SLC24A2: variants seen among roughly 807,000 people sequenced by gnomAD.
SLC24A2 encodes the protein sodium/potassium/calcium exchanger 2.
Under a neutral mutation model 62.0 loss-of-function variants are expected in SLC24A2, and 36 were observed. That is an observed-to-expected ratio of 0.58 (90% CI 0.44 to 0.77). The LOEUF is 0.77. Among genes scored for constraint, SLC24A2 ranks in the 30% least tolerant of loss-of-function variants. SLC24A2 has a pLI of 0.00. For synonymous variants in SLC24A2, 358 were observed against 294.0 expected, an observed-to-expected ratio of 1.22 and a Z score of -2.23; for missense variants, 846 against 817.9, an observed-to-expected ratio of 1.03 and a Z score of -0.42.
At chr9:20,117,707 G>A in the SLC24A2 span, among the ~76,000 whole-genome samples, 4 of 152,094 alleles carry the variant, frequency 2.6e-5, no homozygotes, top group African/African-American at 9.7e-5. Flanking sequence ...AGGTCTGTTT[G>A]ATTCCAAGGT....
the SLC24A2 span, among the ~76,000 whole-genome samples, chr9:20,053,520 C>T: frequency 1.3e-5 from 2 of 152,042 alleles, no homozygotes; most frequent in Non-Finnish European, 2.9e-5. Context: ...ATGTTTGTGT[C>T]CTCCCCCAAC....
At chr9:19,858,085 T>A in the SLC24A2 span, among the ~76,000 whole-genome samples, 7 of 152,300 alleles carry the variant, frequency 4.6e-5, no homozygotes, top group African/African-American at 9.6e-5. Context: ...GGAGATATCA[T>A]GTTACCTCAC....
chr9:19,896,959 C>G, the SLC24A2 span, among the ~76,000 whole-genome samples: 72,095 of 152,046 alleles, frequency 0.47, 19,441 homozygotes, highest in Non-Finnish European at 0.61. Context: ...TTACCATCCA[C>G]TTTTCTCATT....
chr9:20,232,594 T>A, the SLC24A2 span, among the ~76,000 whole-genome samples: 3 of 152,208 alleles, frequency 2.0e-5, no homozygotes, highest in Non-Finnish European at 4.4e-5. Flanking sequence ...CCCTTTATCA[T>A]TTTTTATTGC....
chr9:19,644,188 T>C (rs1219779006), intron 2 of SLC24A2, among the ~76,000 whole-genome samples: 1 of 152,172 alleles, frequency 6.6e-6, no homozygotes, highest in African/African-American at 2.4e-5. Flanking sequence ...AGTAATGGCA[T>C]GTGTGGTGGT....
chr9:19,770,467 G>A (rs990620210), intron 2 of SLC24A2, among the ~76,000 whole-genome samples: 3 of 152,088 alleles, frequency 2.0e-5, no homozygotes, highest in African/African-American at 7.2e-5. Context: ...CACTAAAAAT[G>A]TGCTTGAAAT....
chr9:20,271,598 G>A, the SLC24A2 span, among the ~76,000 whole-genome samples: 26 of 152,290 alleles, frequency 1.7e-4, 1 homozygote, highest in Middle Eastern at 3.4e-3. Flanking sequence ...GATATCAGAC[G>A]TGTTTCTGCA....
intron 2 of SLC24A2, among the ~76,000 whole-genome samples, chr9:19,722,993 C>T (rs1464232118): frequency 1.3e-5 from 2 of 152,170 alleles, no homozygotes; most frequent in South Asian, 4.2e-4. Flanking sequence ...TCTTTCTGCA[C>T]TGCAATAAGA....
the SLC24A2 span, among the ~76,000 whole-genome samples, chr9:20,279,940 C>T: frequency 6.6e-6 from 1 of 152,142 alleles, no homozygotes; most frequent in African/African-American, 2.4e-5. Flanking sequence ...CACTGAGGAT[C>T]AGGACTTTGA....
chr9:19,888,848 A>G, the SLC24A2 span, among the ~76,000 whole-genome samples: 1 of 152,202 alleles, frequency 6.6e-6, no homozygotes, highest in Non-Finnish European at 1.5e-5. Flanking sequence ...CAGGAAAACA[A>G]GGACAACTGG....
the SLC24A2 span, among the ~76,000 whole-genome samples, chr9:19,856,291 A>G: frequency 6.6e-6 from 1 of 152,232 alleles, no homozygotes; most frequent in East Asian, 1.9e-4. Context: ...CTGTCAGTTC[A>G]TGCATCTTAA....
the SLC24A2 span, among the ~76,000 whole-genome samples, chr9:19,851,097 C>T: frequency 7.1e-6 from 1 of 141,276 alleles, no homozygotes; most frequent in African/African-American, 2.6e-5. Context: ...GATCTCGGCT[C>T]ACCACAATCT....
At chr9:20,238,812 A>G in the SLC24A2 span, among the ~76,000 whole-genome samples, 1 of 152,214 alleles carries the variant, frequency 6.6e-6, no homozygotes, top group Non-Finnish European at 1.5e-5. Flanking sequence ...ACTTTAGGGT[A>G]TAGTTAAGGT....
chr9:19,589,436 T>C (rs1318701620), intron 5 of SLC24A2, among the ~76,000 whole-genome samples: 1 of 152,202 alleles, frequency 6.6e-6, no homozygotes. Flanking sequence ...AGAGATTCAC[T>C]CTTATTGTCT....
At chr9:19,576,854 C>T (rs1383758270) in intron 6 of SLC24A2, 70 bp downstream of exon 6, 2 of 1,158,980 alleles carry the variant, frequency 1.7e-6, no homozygotes, top group Non-Finnish European at 2.6e-6. Flanking sequence ...GGTGCCCACA[C>T]TGGTCCTGAC....
the SLC24A2 span, among the ~76,000 whole-genome samples, chr9:19,878,981 A>ACTT: frequency 6.6e-6 from 1 of 152,158 alleles, no homozygotes; most frequent in Non-Finnish European, 1.5e-5. Flanking sequence ...AACATGTTGG[A>ACTT]CTTCTCTTTG....
the SLC24A2 span, among the ~76,000 whole-genome samples, chr9:20,277,987 C>T: frequency 2.0e-5 from 3 of 151,918 alleles, no homozygotes; most frequent in African/African-American, 7.3e-5. Context: ...ACCACAAAGA[C>T]AGAAAACCAA....
the SLC24A2 span, among the ~76,000 whole-genome samples, chr9:19,931,620 G>A: frequency 6.6e-6 from 1 of 152,038 alleles, no homozygotes; most frequent in Non-Finnish European, 1.5e-5. Context: ...TAAATCACAG[G>A]CAAAATGGTA....
chr9:19,758,445 T>A (rs532039571), intron 2 of SLC24A2, among the ~76,000 whole-genome samples: 13 of 152,154 alleles, frequency 8.5e-5, no homozygotes, highest in Non-Finnish European at 1.3e-4. Flanking sequence ...AAATAACCTG[T>A]TTGTGGGATC....
Sources: gnomAD v4.1 joint callset for allele counts (sites outside exome capture counted in the v4.1 genomes callset) on GRCh38, gnomAD v4.1.1 for gene constraint, MANE v1.5 for transcripts, NCBI Gene and HGNC (gene_info 2026-07-23, HGNC 2026-07-21) for gene names.